S100PBP: variants seen among roughly 807,000 people sequenced by gnomAD.
S100PBP encodes S100P-binding protein.
In S100PBP, 15 loss-of-function variants were observed where a neutral mutation model predicts 39.9. That is an observed-to-expected ratio of 0.38 (90% confidence interval 0.25 to 0.58). The LOEUF is 0.58. S100PBP is among the 20% of genes least tolerant of loss of function. The pLI, the probability that S100PBP is intolerant of heterozygous loss-of-function variation, is 0.70. For synonymous variants in S100PBP, 178 were observed against 180.3 expected (o/e 0.99, Z 0.10); for missense variants, 504 against 487.3 (o/e 1.03, Z -0.32).
intron 5 of S100PBP, among the ~76,000 whole-genome samples, chr1:32,851,011 A>G (rs1313359631): frequency 2.0e-5 from 3 of 152,212 alleles, no homozygotes; most frequent in Non-Finnish European, 4.4e-5. Context: ...TTTACGTTCA[A>G]TATTCCTAAA....
intron 5 of S100PBP, among the ~76,000 whole-genome samples, chr1:32,843,632 T>C (rs1212425129): frequency 6.6e-6 from 1 of 152,202 alleles, no homozygotes; most frequent in Non-Finnish European, 1.5e-5. Flanking sequence ...TTTGTACTTT[T>C]AGTAGAGACA....
intron 5 of S100PBP, among the ~76,000 whole-genome samples, chr1:32,832,371 T>C (rs1639638687): frequency 6.6e-6 from 1 of 152,186 alleles, no homozygotes; most frequent in Non-Finnish European, 1.5e-5. Context: ...AAAATGTTGA[T>C]AAATGAAGGT....
rs1294807111 is a variant in S100PBP, at chr1:32,856,221, T to A, written c.*183T>A. 2.3e-6 allele frequency: 1 copy of A among 440,632 alleles called. No individual in the cohort carries two copies. Among genetic ancestry groups the A allele is most frequent in the Non-Finnish European group, 4.2e-6 (1 of 240,004 alleles). 27.3% of individuals were successfully genotyped at this position (440,632 alleles called of 1,614,324 possible). On this transcript the variant is annotated 3_prime_UTR_variant, in exon 7 of 7. Coordinates refer to ENST00000373475, the MANE Select transcript of S100PBP (RefSeq NM_022753.4). ...CCGACTTGAATTTTTTTGTATGAAG[T>A]CCCTCCTGATTTTGTGTGTGTGTGT...
chr1:32,853,369 G>A (rs1640696228), intron 6 of S100PBP, among the ~76,000 whole-genome samples: 1 of 151,834 alleles, frequency 6.6e-6, no homozygotes, highest in Admixed American at 6.6e-5. Context: ...AGCCTCAGGA[G>A]GCTGAGGCAG....
chr1:32,833,976 A>G (rs1569876154), intron 5 of S100PBP: 1 of 248,160 alleles, frequency 4.0e-6, no homozygotes, highest in East Asian at 1.4e-4. Flanking sequence ...TTTCATTAGT[A>G]ATGCTGCAGT....
At chr1:32,829,125 A>G (rs754752029) in intron 4 of S100PBP, among the ~76,000 whole-genome samples, 10 of 152,222 alleles carry the variant, frequency 6.6e-5, no homozygotes, top group Non-Finnish European at 1.2e-4. Flanking sequence ...ATTGCTTACA[A>G]TGTAAGTGAT....
Position 32,858,821 on chromosome 1 carries a change from T to C in S100PBP, c.*2783T>C, listed in dbSNP as rs1454464544. The C allele has an allele frequency of 6.6e-6, 1 of 152,212 alleles. No individual in the cohort carries two copies. The highest frequency in any genetic ancestry group is 1.5e-5 in the Non-Finnish European group (1 of 68,038). The allele number at this position is 152,212 out of a possible 1,614,324, so 9.4% of individuals were successfully genotyped here. On this transcript the variant is annotated 3_prime_UTR_variant, in exon 7 of 7. Transcript: ENST00000373475. ...CCTCCTCTTTATCATGTTTTTTCCCTTGTAGCAGTTGTGTTTAATGTCATT... is the reference window on the plus strand; with the variant it reads ...CCTCCTCTTTATCATGTTTTTTCCCCTGTAGCAGTTGTGTTTAATGTCATT...
At chr1:32,820,486 G>C (rs1252083091) in intron 1 of S100PBP, 1 of 152,106 alleles carries the variant, frequency 6.6e-6, no homozygotes, top group Non-Finnish European at 1.5e-5. Flanking sequence ...GGCAATGATG[G>C]TGGTGGGGTG....
Position 32,856,026 on chromosome 1 carries a change from C to G in S100PBP, c.1215C>G (p.Phe405Leu), listed in dbSNP as rs1469077985. 6.2e-7 allele frequency: 1 copy of G among 1,611,042 alleles called. No individual in the cohort carries two copies. Among genetic ancestry groups the G allele is most frequent in the Non-Finnish European group, 8.5e-7 (1 of 1,177,398 alleles). The change falls in exon 7 of 7, where the codon TTC becomes TTG. Residue 405 changes from phenylalanine (F) to leucine (L), a missense_variant. Transcript: ENST00000373475. Reference protein sequence around the residue: ...SHHRFQRLPDFSYS With the variant: ...SHHRFQRLPDLSYS ...ATCGGTTCCAGCGTCTCCCAGACTT[C>G]TCGTACAGTTAATTTGTGTCATCCC...
chr1:32,850,333 T>G (rs1272462708), intron 5 of S100PBP, among the ~76,000 whole-genome samples: 1 of 152,144 alleles, frequency 6.6e-6, no homozygotes, highest in Non-Finnish European at 1.5e-5. Context: ...GATTCTCCCC[T>G]CCCCTGCCTC....
In S100PBP at chr1:32,856,066, TC is replaced by T. The variant is rs1553134921; in HGVS notation, c.*31del. 2 of 1,429,880 alleles carry T rather than the reference TC, an allele frequency of 1.4e-6. No individual in the cohort carries two copies. The highest frequency in any genetic ancestry group is 2.0e-6 in the Non-Finnish European group (2 of 1,013,246). 88.6% of individuals were successfully genotyped at this position (1,429,880 alleles called of 1,614,324 possible). A position where few individuals can be genotyped will look rare whatever the true frequency, so the allele number is the denominator to read the frequency against. On this transcript the variant is annotated 3_prime_UTR_variant, in exon 7 of 7. Transcript: ENST00000373475. ...TGTGTCATCCCATCAGCAATGAAGG[TC>T]CCTATCCAGGGTCCTGCTTGGAGCA...
chr1:32,835,762 T>G (rs1305002342), intron 5 of S100PBP: 1 of 152,044 alleles, frequency 6.6e-6, no homozygotes, highest in Non-Finnish European at 1.5e-5. Flanking sequence ...TTATTTTTAT[T>G]TTTTTTCTAT....
Position 32,853,216 on chromosome 1 carries a change from G to A in S100PBP, c.1112+50G>A, listed in dbSNP as rs766784005. 85 of 1,359,216 alleles carry A rather than the reference G, an allele frequency of 6.3e-5. 1 individual carries two copies. The Middle Eastern group carries it at 9.9e-4, about 16-fold the overall frequency. The allele number at this position is 1,359,216 out of a possible 1,614,324, so 84.2% of individuals were successfully genotyped here. On this transcript the variant is annotated intron_variant, in intron 6 of 6. Coordinates refer to ENST00000373475, the MANE Select transcript of S100PBP (RefSeq NM_022753.4). ...GGAAAAGGGTAGAATGGCTGGGCGC[G>A]GTGGCTCACACCTGTAATCCCAGCA...
chr1:32,828,728 C>T (rs1430740435), intron 4 of S100PBP, among the ~76,000 whole-genome samples: 2 of 152,096 alleles, frequency 1.3e-5, no homozygotes, highest in African/African-American at 2.4e-5. Context: ...AGGCCGGGCG[C>T]GGTGGCTCAC....
Position 32,853,163 on chromosome 1 carries a change from C to T in S100PBP, c.1109C>T (p.Thr370Met), listed in dbSNP as rs1475171394. Residue 370 changes from threonine to methionine, a missense_variant, in exon 6 of 7, where the codon ACG (threonine) becomes ATG (methionine). Thr to Met is a moderately conservative substitution (Grantham distance 81). Coordinates refer to ENST00000373475, the MANE Select transcript of S100PBP (RefSeq NM_022753.4). ...SKWQHPSDLT[T>M]RNYARRQKHL... ...TGGCAGCATCCTTCGGACCTCACCACGCGGTGAGTGGGTGATTAGAAGAAG... is the reference window on the plus strand; with the variant it reads ...TGGCAGCATCCTTCGGACCTCACCATGCGGTGAGTGGGTGATTAGAAGAAG... 14 of 1,606,116 alleles carry T rather than the reference C, an allele frequency of 8.7e-6. No individual in the cohort carries two copies. The highest frequency in any genetic ancestry group is 1.7e-5 in the Admixed American group (1 of 59,978).
intron 5 of S100PBP, among the ~76,000 whole-genome samples, chr1:32,848,005 T>C (rs1160397464): frequency 6.6e-6 from 1 of 152,132 alleles, no homozygotes; most frequent in Non-Finnish European, 1.5e-5. Flanking sequence ...AACTACACGC[T>C]CCGTCAGAAA....
At chr1:32,837,602 C>T (rs1639892563) in intron 5 of S100PBP, among the ~76,000 whole-genome samples, 1 of 149,522 alleles carries the variant, frequency 6.7e-6, no homozygotes, top group African/African-American at 2.4e-5. Flanking sequence ...GCATATTGGA[C>T]TAAAAACTTT....
At position 32,858,487 on chromosome 1, in the gene S100PBP, C is replaced by G. The variant is rs1284365; in HGVS notation, c.*2449C>G. 20,886 of 152,588 alleles carry G rather than the reference C, an allele frequency of 0.14. 1,758 individuals are homozygous for G. The highest frequency in any genetic ancestry group is 0.23 in the South Asian group (1,099 of 4,834). The allele number at this position is 152,588 out of a possible 1,614,324, so 9.5% of individuals were successfully genotyped here. Reference sequence around the variant, plus strand: ...TGGCATGTTCGCCTTAAAGATGGTACTGGGTAGAATCTGGAGTTTTCATCT... The same window carrying G: ...TGGCATGTTCGCCTTAAAGATGGTAGTGGGTAGAATCTGGAGTTTTCATCT... On this transcript the variant is annotated 3_prime_UTR_variant, in exon 7 of 7. Transcript: ENST00000373475.
At chr1:32,841,753 A>AG (rs1557503947) in intron 5 of S100PBP, among the ~76,000 whole-genome samples, 4 of 147,240 alleles carry the variant, frequency 2.7e-5, no homozygotes, top group African/African-American at 1.0e-4. Context: ...AAAAAAAAAA[A>AG]TTACGGATTA....
Sources: gnomAD v4.1 joint callset for allele counts (sites outside exome capture counted in the v4.1 genomes callset) on GRCh38, gnomAD v4.1.1 for gene constraint, MANE v1.5 for transcripts, NCBI Gene and HGNC (gene_info 2026-07-23, HGNC 2026-07-21) for gene names.